The following IQCM variants were observed in gnomAD, a reference collection of about 807,000 sequenced individuals.
IQCM encodes the protein IQ motif containing M.
In IQCM, 45 loss-of-function variants were observed where a neutral mutation model predicts 57.6. That is an observed-to-expected ratio of 0.78 (90% CI 0.62 to 1.00). The LOEUF (loss-of-function observed/expected upper bound fraction) is 1.00, where lower values mean the gene tolerates loss of function less well. Among genes scored for constraint, IQCM ranks in the 50% least tolerant of loss-of-function variants. The pLI is 0.00. For missense variants in IQCM, 468 were observed against 511.6 expected (o/e 0.91, Z 0.82); for synonymous variants, 148 against 158.9 (o/e 0.93, Z 0.51).
intron 3 of IQCM, among the ~76,000 whole-genome samples, chr4:149,736,353 TC>T (rs1181939884): frequency 6.6e-6 from 1 of 152,198 alleles, no homozygotes. Flanking sequence ...TTACATATTT[TC>T]TTTATTATTA....
At chr4:149,805,748 G>A (rs1774020570) in intron 2 of IQCM, among the ~76,000 whole-genome samples, 1 of 151,834 alleles carries the variant, frequency 6.6e-6, no homozygotes, top group South Asian at 2.1e-4. Context: ...CAGTTGCTTT[G>A]AAGGAAAAAA....
In IQCM at chr4:149,358,114, C is replaced by T. The variant is rs543693250; in HGVS notation, c.1391-6048G>A. ...ATATCCCCTTTATCATTTTTTATTG[C>T]ATCTATTTGATTCTTCTCTGTTTTC... On this transcript the variant is annotated intron_variant, in intron 13 of 13. Coordinates refer to ENST00000636793, the MANE Select transcript of IQCM (RefSeq NM_001363507.2). 3.8e-3 allele frequency among the ~76,000 whole-genome samples: 582 copies of T among 152,168 alleles called. 3 individuals are homozygous for T. Among genetic ancestry groups the T allele is most frequent in the African/African-American group, 0.013 (547 of 41,510 alleles).
intron 5 of IQCM, among the ~76,000 whole-genome samples, chr4:149,721,407 T>C (rs1321630962): frequency 2.0e-5 from 3 of 152,100 alleles, no homozygotes; most frequent in Non-Finnish European, 4.4e-5. Flanking sequence ...GTGTACATGG[T>C]AATCCATAGG....
At chr4:149,449,245 C>CA (rs1009604622) in intron 12 of IQCM, among the ~76,000 whole-genome samples, 2 of 134,108 alleles carry the variant, frequency 1.5e-5, no homozygotes, top group Non-Finnish European at 3.2e-5. Context: ...AAACAAACAA[C>CA]AAAAAAAAGC....
intron 2 of IQCM, among the ~76,000 whole-genome samples, chr4:149,801,995 A>T (rs1344723758): frequency 1.3e-5 from 2 of 150,350 alleles, no homozygotes; most frequent in Non-Finnish European, 3.0e-5. Flanking sequence ...AAAACATCTC[A>T]TGTACCCTAT....
intron 4 of IQCM, among the ~76,000 whole-genome samples, chr4:149,734,397 T>C (rs1166604173): frequency 6.6e-6 from 1 of 152,184 alleles, no homozygotes; most frequent in African/African-American, 2.4e-5. Flanking sequence ...GAAATTAATA[T>C]AATTGAAAAT....
At chr4:149,388,554 TAATA>T (rs1316136329) in intron 13 of IQCM, among the ~76,000 whole-genome samples, 1 of 132,866 alleles carries the variant, frequency 7.5e-6, no homozygotes, top group Non-Finnish European at 1.6e-5. Context: ...ATAATATATA[TAATA>T]TATTTATATA....
At position 149,368,807 on chromosome 4, in the gene IQCM, T is replaced by TATATATATACATATATATACAC. The variant is rs1560778919; in HGVS notation, c.1391-16742_1391-16741insGTGTATATATATGTATATATAT. The stretch of plus-strand genomic sequence containing the variant: ...ATGTATATATATACATATATATACA[T>TATATATATACATATATATACAC]GTATATATATACATATATATACATG... On this transcript the variant is annotated intron_variant, in intron 13 of 13. Transcript: ENST00000636793. Among the ~76,000 whole-genome samples the TATATATATACATATATATACAC allele has an allele frequency of 2.6e-4, 18 of 68,556 alleles. 3 individuals are homozygous for TATATATATACATATATATACAC. Among genetic ancestry groups the TATATATATACATATATATACAC allele is most frequent in the African/African-American group, 1.1e-3 (16 of 14,384 alleles). The allele number at this position is 68,556 out of a possible 152,430, so 45.0% of individuals were successfully genotyped here.
chr4:149,590,068 G>A lies in IQCM; in HGVS notation c.682-2071C>T, dbSNP rs75965375. On this transcript the variant is annotated intron_variant, in intron 8 of 13. Coordinates refer to ENST00000636793, the MANE Select transcript of IQCM (RefSeq NM_001363507.2). ...TGAATTGGCACATTCTCCATAATAA[G>A]GGGTGGCAAATGTGAAGGCTGTTAA... Among the ~76,000 whole-genome samples, 34 of 151,868 alleles carry A rather than the reference G, an allele frequency of 2.2e-4. No individual in the cohort carries two copies. In the East Asian group the frequency reaches 6.6e-3, roughly 30 times the overall value.
intron 12 of IQCM, among the ~76,000 whole-genome samples, chr4:149,476,147 C>A (rs1051001496): frequency 1.3e-5 from 2 of 152,052 alleles, no homozygotes; most frequent in African/African-American, 2.4e-5. Flanking sequence ...AGGGCTGAAT[C>A]TAGGGCACAA....
intron 13 of IQCM, among the ~76,000 whole-genome samples, chr4:149,391,770 C>T (rs1731873539): frequency 6.6e-6 from 1 of 151,934 alleles, no homozygotes; most frequent in Admixed American, 6.6e-5. Context: ...TTATTTTCCA[C>T]ATAATATGAA....
chr4:149,731,034 G>A (rs1050467894), intron 5 of IQCM, among the ~76,000 whole-genome samples: 3 of 152,110 alleles, frequency 2.0e-5, no homozygotes, highest in Admixed American at 2.0e-4. Context: ...CTCCACATGT[G>A]TGTCTACTTA....
intron 7 of IQCM, among the ~76,000 whole-genome samples, chr4:149,660,330 C>A (rs1219116664): frequency 6.6e-6 from 1 of 152,126 alleles, no homozygotes; most frequent in Non-Finnish European, 1.5e-5. Context: ...AGTCAGGAAA[C>A]AACAGGTGCT....
At position 149,524,457 on chromosome 4, in the gene IQCM, A is replaced by C. The variant is rs563864221; in HGVS notation, c.1228+23998T>G. ...TTATGCCTCATTAAAGAAACATTTA[A>C]AATAAAGAAACTAAAATTAGAACTC... is the stretch of plus-strand genomic sequence containing the variant. On this transcript the variant is annotated intron_variant, in intron 12 of 13. Transcript: ENST00000636793. 1.5e-3 allele frequency among the ~76,000 whole-genome samples: 225 copies of C among 152,178 alleles called. 1 individual carries two copies. The highest frequency in any genetic ancestry group is 5.2e-3 in the African/African-American group (217 of 41,564).
At chr4:149,471,173 T>A (rs1338105784) in intron 12 of IQCM, among the ~76,000 whole-genome samples, 3 of 152,012 alleles carry the variant, frequency 2.0e-5, no homozygotes, top group Non-Finnish European at 4.4e-5. Flanking sequence ...AATCAATGAA[T>A]CCAGGAGCTG....
chr4:149,766,300 GGA>G (rs1433738617), intron 2 of IQCM, among the ~76,000 whole-genome samples: 1 of 152,032 alleles, frequency 6.6e-6, no homozygotes, highest in African/African-American at 2.4e-5. Flanking sequence ...CTGTGTTCTT[GGA>G]AAATGTTGCA....
intron 12 of IQCM, among the ~76,000 whole-genome samples, chr4:149,499,689 T>C (rs1310906466): frequency 6.6e-6 from 1 of 152,068 alleles, no homozygotes; most frequent in African/African-American, 2.4e-5. Flanking sequence ...AAAGACATTA[T>C]GAAAAAAATC....
chr4:149,686,425 C>T lies in IQCM; in HGVS notation c.429G>A (p.Val143=). The T allele has an allele frequency of 8.1e-7, 1 of 1,228,134 alleles. No individual in the cohort carries two copies. The highest frequency in any genetic ancestry group is 1.0e-6 in the Non-Finnish European group (1 of 984,856). 76.1% of individuals were successfully genotyped at this position (1,228,134 alleles called of 1,614,324 possible). The part of the protein sequence containing the change: ...LDKIMTIIEP[V]SKKMETAKQQ... ...GCTTTGCTGTCTCCATTTTTTTACTCACTGGTTCAATAATAGTCATGATTT... is the reference window on the plus strand; with the variant it reads ...GCTTTGCTGTCTCCATTTTTTTACTTACTGGTTCAATAATAGTCATGATTT... Residue 143 remains valine, a synonymous_variant, in exon 6 of 14, where the codon GTG becomes GTA. Transcript: ENST00000636793.
intron 7 of IQCM, among the ~76,000 whole-genome samples, chr4:149,645,435 A>G (rs1297518114): frequency 2.0e-5 from 3 of 152,164 alleles, no homozygotes; most frequent in East Asian, 3.9e-4. Context: ...CATGCAGAAA[A>G]TTGAACATAA....
Sources: gnomAD v4.1 joint callset for allele counts (sites outside exome capture counted in the v4.1 genomes callset) on GRCh38, gnomAD v4.1.1 for gene constraint, MANE v1.5 for transcripts, NCBI Gene and HGNC (gene_info 2026-07-23, HGNC 2026-07-21) for gene names.